The following SLC22A3 variants were observed in gnomAD, a reference collection of about 807,000 sequenced individuals.
SLC22A3 encodes the protein solute carrier family 22 member 3.
Under a neutral mutation model 59.1 loss-of-function variants are expected in SLC22A3, and 51 were observed. That is an observed-to-expected ratio of 0.86 (90% CI 0.69 to 1.09). The LOEUF is 1.09. SLC22A3 is among the 50% of genes least tolerant of loss of function. SLC22A3 has a pLI of 0.00. For missense variants in SLC22A3, 711 were observed against 726.3 expected, an observed-to-expected ratio of 0.98 and a Z score of 0.24; for synonymous variants, 325 against 292.0, an observed-to-expected ratio of 1.11 and a Z score of -1.15.
At chr6:160,364,968 TATA>T (rs528830272) in intron 1 of SLC22A3, among the ~76,000 whole-genome samples, 10 of 152,248 alleles carry the variant, frequency 6.6e-5, no homozygotes, top group African/African-American at 2.4e-4. Context: ...TTTATATCAA[TATA>T]ATGATTTTTT....
chr6:160,353,270 A>G (rs1365978365), intron 1 of SLC22A3, among the ~76,000 whole-genome samples: 2 of 152,254 alleles, frequency 1.3e-5, no homozygotes, highest in Non-Finnish European at 2.9e-5. Context: ...AAGGACCTTC[A>G]TTATGAGAAT....
chr6:160,350,015 G>C (rs138620707), intron 1 of SLC22A3, among the ~76,000 whole-genome samples: 345 of 152,312 alleles, frequency 2.3e-3, no homozygotes, highest in African/African-American at 7.7e-3. Context: ...TGGGAGTGTC[G>C]GTGGTTGCAA....
At chr6:160,440,676 T>C (rs2114920881) in intron 7 of SLC22A3, among the ~76,000 whole-genome samples, 2 of 152,358 alleles carry the variant, frequency 1.3e-5, no homozygotes, top group Non-Finnish European at 2.9e-5. Context: ...TGTGTATATA[T>C]TTATTCATAC....
Position 160,446,968 on chromosome 6 carries a change from CA to C in SLC22A3, c.1511-750del, listed in dbSNP as rs1788767785. Among the ~76,000 whole-genome samples, 3 of 152,326 alleles carry C rather than the reference CA, an allele frequency of 2.0e-5. No individual in the cohort carries two copies. In the South Asian group the frequency reaches 6.2e-4, roughly 32 times the overall value. On this transcript the variant is annotated intron_variant, in intron 9 of 10. Transcript: ENST00000275300. ...GGGCCCACAGTGGGAGCATTTAAACCATGCACATTGGCAGATGCTGCCAATC... is the reference window on the plus strand; with the variant it reads ...GGGCCCACAGTGGGAGCATTTAAACCTGCACATTGGCAGATGCTGCCAATC...
rs1251916509 is a variant in SLC22A3, at chr6:160,369,741, C to A, written c.429+20893C>A. ...TGCAGAGAAATAAGCCATTATACATCAAGTTGAAATTCTACTTACTATTGT... is the reference window on the plus strand; with the variant it reads ...TGCAGAGAAATAAGCCATTATACATAAAGTTGAAATTCTACTTACTATTGT... On this transcript the variant is annotated intron_variant, in intron 1 of 10. Coordinates refer to ENST00000275300, the MANE Select transcript of SLC22A3 (RefSeq NM_021977.4). Among the ~76,000 whole-genome samples the A allele has an allele frequency of 3.9e-5, 6 of 152,296 alleles. No homozygotes were observed. The South Asian group carries it at 1.2e-3, about 32-fold the overall frequency.
At chr6:160,376,652 A>G (rs1161337697) in intron 1 of SLC22A3, among the ~76,000 whole-genome samples, 1 of 152,140 alleles carries the variant, frequency 6.6e-6, no homozygotes, top group East Asian at 1.9e-4. Flanking sequence ...AAATTGCTCA[A>G]TTGTTGAAGG....
intron 1 of SLC22A3, among the ~76,000 whole-genome samples, chr6:160,362,524 A>G (rs1252112346): frequency 6.6e-6 from 1 of 152,102 alleles, no homozygotes; most frequent in Non-Finnish European, 1.5e-5. Context: ...TTGGTATGGT[A>G]GTGTCTCCAT....
intron 1 of SLC22A3, among the ~76,000 whole-genome samples, chr6:160,378,514 C>T (rs914315571): frequency 5.3e-5 from 8 of 152,230 alleles, no homozygotes; most frequent in Middle Eastern, 3.4e-3. Flanking sequence ...TGTTGAAAGA[C>T]GGAAATTAAA....
chr6:160,399,485 C>T (rs1786668508), intron 2 of SLC22A3, among the ~76,000 whole-genome samples: 1 of 152,138 alleles, frequency 6.6e-6, no homozygotes, highest in Non-Finnish European at 1.5e-5. Context: ...GGAATTTCCC[C>T]TTCCTATATT....
intron 1 of SLC22A3, among the ~76,000 whole-genome samples, chr6:160,381,650 A>G (rs1181358471): frequency 2.0e-5 from 3 of 152,242 alleles, no homozygotes; most frequent in African/African-American, 7.2e-5. Flanking sequence ...ATTTTCATAA[A>G]TGATTTATTT....
At chr6:160,442,014 T>C (rs1024885669) in intron 7 of SLC22A3, among the ~76,000 whole-genome samples, 1 of 152,192 alleles carries the variant, frequency 6.6e-6, no homozygotes, top group South Asian at 2.1e-4. Flanking sequence ...ATATTTAATA[T>C]AGAATGTTTG....
intron 1 of SLC22A3, among the ~76,000 whole-genome samples, chr6:160,374,867 AG>A (rs1431204907): frequency 6.6e-6 from 1 of 152,244 alleles, no homozygotes; most frequent in Non-Finnish European, 1.5e-5. Flanking sequence ...TGTTTTTAAA[AG>A]AAATGAATGT....
At chr6:160,450,406 T>G (rs1788906183) in intron 10 of SLC22A3, among the ~76,000 whole-genome samples, 2 of 152,216 alleles carry the variant, frequency 1.3e-5, no homozygotes, top group Admixed American at 6.5e-5. Context: ...TATGGTTGTC[T>G]TCTCTTGTTC....
At chr6:160,377,345 T>C (rs1301283204) in intron 1 of SLC22A3, among the ~76,000 whole-genome samples, 1 of 151,714 alleles carries the variant, frequency 6.6e-6, no homozygotes, top group African/African-American at 2.4e-5. Context: ...ATTAGCTGGG[T>C]GTGGTGATAT....
At position 160,348,617 on chromosome 6, in the gene SLC22A3, C is replaced by A; in HGVS notation, c.198C>A (p.Ser66Arg). Residue 66 changes from serine to arginine, a missense_variant, in exon 1 of 11, where the codon AGC (serine) becomes AGA (arginine). By Grantham distance (110) the Ser-to-Arg change is moderately radical (BLOSUM62 -1). Transcript: ENST00000275300. ...AAALAERCGW[S>R]PEEEWNRTAP... Reference sequence around the variant, plus strand: ...CGCTGGCCGAGCGCTGCGGCTGGAGCCCGGAGGAGGAGTGGAACCGCACGG... The same window carrying A: ...CGCTGGCCGAGCGCTGCGGCTGGAGACCGGAGGAGGAGTGGAACCGCACGG... 6.6e-7 allele frequency: 1 copy of A among 1,504,934 alleles called. No individual in the cohort carries two copies. Among genetic ancestry groups the A allele is most frequent in the African/African-American group, 1.4e-5 (1 of 69,210 alleles). 93.2% of individuals were successfully genotyped at this position (1,504,934 alleles called of 1,614,324 possible).
At chr6:160,437,944 CTGAGAGATGATCTGTCACCAGCA>C (rs1451072875) in intron 7 of SLC22A3, among the ~76,000 whole-genome samples, 1 of 152,100 alleles carries the variant, frequency 6.6e-6, no homozygotes, top group Non-Finnish European at 1.5e-5. Context: ...GACAAGGAGC[CTGAGAGATGATCTGTCACCAGCA>C]TGACCAGCCC....
rs1206753668 is a variant in SLC22A3, at chr6:160,348,692, G to A, written c.273G>A (p.Gln91=). Residue 91 remains glutamine (Q), a synonymous_variant, in exon 1 of 11, where the codon CAG becomes CAA. Transcript: ENST00000275300. ...CCCCCGAGCGCCGCGGCCGCTGCCA[G>A]CGCTACCTCCTGGAGGCGGCCAACG... The part of the protein sequence containing the change: ...PEPPERRGRC[Q]RYLLEAANDS... 1 of 1,513,678 alleles carries A rather than the reference G, an allele frequency of 6.6e-7. No homozygotes were observed. The highest frequency in any genetic ancestry group is 1.2e-5 in the South Asian group (1 of 81,732). 93.8% of individuals were successfully genotyped at this position (1,513,678 alleles called of 1,614,324 possible). A position where few individuals can be genotyped will look rare whatever the true frequency, so the allele number is the denominator to read the frequency against.
intron 1 of SLC22A3, among the ~76,000 whole-genome samples, chr6:160,359,979 G>T (rs546023972): frequency 7.2e-5 from 11 of 152,052 alleles, no homozygotes; most frequent in Non-Finnish European, 1.5e-4. Context: ...ACTATTAGAA[G>T]AATAGTAAAA....
intron 9 of SLC22A3, among the ~76,000 whole-genome samples, chr6:160,446,092 G>A (rs1788732292): frequency 6.6e-6 from 1 of 152,162 alleles, no homozygotes; most frequent in Admixed American, 6.5e-5. Flanking sequence ...AAGGAGAGGA[G>A]GTGGCCAAGG....
Sources: gnomAD v4.1 joint callset for allele counts (sites outside exome capture counted in the v4.1 genomes callset) on GRCh38, gnomAD v4.1.1 for gene constraint, MANE v1.5 for transcripts, NCBI Gene and HGNC (gene_info 2026-07-23, HGNC 2026-07-21) for gene names.